The following RAB3GAP1 variants were observed in gnomAD, a reference collection of about 807,000 sequenced individuals.
RAB3GAP1 encodes rab3 GTPase-activating protein catalytic subunit.
A neutral mutation model predicts 130.7 loss-of-function variants in RAB3GAP1; 86 were observed. The observed-to-expected ratio is 0.66, with a 90% CI of 0.55 to 0.79. RAB3GAP1 has a LOEUF of 0.79. Among genes scored for constraint, RAB3GAP1 ranks in the 30% least tolerant of loss-of-function variants. The probability of loss-of-function intolerance (pLI) is 0.00; values close to 1 mark genes in which losing one functional copy is unlikely to be tolerated. For missense variants in RAB3GAP1, 1,029 were observed against 1,169.4 expected, an observed-to-expected ratio of 0.88 and a Z score of 1.75; for synonymous variants, 367 against 401.7, an observed-to-expected ratio of 0.91 and a Z score of 1.03.
At chr2:135,104,888 C>CAAAA (rs1690549139) in intron 5 of RAB3GAP1, among the ~76,000 whole-genome samples, 1 of 151,686 alleles carries the variant, frequency 6.6e-6, no homozygotes, top group African/African-American at 2.4e-5. Flanking sequence ...AACTCCATCT[C>CAAAA]AAAACAAACA....
intron 18 of RAB3GAP1, 26 bp downstream of exon 18, chr2:135,150,532 G>A: frequency 6.2e-7 from 1 of 1,613,186 alleles, no homozygotes. Context: ...AGAGCTCTGG[G>A]GTCTATTTTG....
chr2:135,095,866 G>C (rs531645174), intron 5 of RAB3GAP1, among the ~76,000 whole-genome samples: 17 of 152,256 alleles, frequency 1.1e-4, no homozygotes, highest in Middle Eastern at 3.4e-3. Flanking sequence ...CAAATCACAA[G>C]AAGAAGGGTG....
chr2:135,155,087 C>T (rs1418883787), intron 19 of RAB3GAP1, among the ~76,000 whole-genome samples: 1 of 152,050 alleles, frequency 6.6e-6, no homozygotes, highest in East Asian at 1.9e-4. Context: ...ACATTCCAAA[C>T]TGAATCAGAT....
At chr2:135,061,425 C>T (rs1169082487) in intron 3 of RAB3GAP1, among the ~76,000 whole-genome samples, 1 of 152,178 alleles carries the variant, frequency 6.6e-6, no homozygotes, top group Admixed American at 6.5e-5. Flanking sequence ...TACATTCTCA[C>T]CAACAATCAG....
intron 3 of RAB3GAP1, among the ~76,000 whole-genome samples, chr2:135,086,621 A>G (rs1023859821): frequency 1.9e-5 from 2 of 103,832 alleles, no homozygotes; most frequent in African/African-American, 7.2e-5. Flanking sequence ...TTTTTCAGGT[A>G]TGTATTTTGT....
chr2:135,135,392 A>G, intron 16 of RAB3GAP1, 73 bp downstream of exon 16: 2 of 1,464,150 alleles, frequency 1.4e-6, no homozygotes, highest in South Asian at 1.1e-5. Context: ...AAATGTAATA[A>G]TGGGTTACAT....
intron 3 of RAB3GAP1, among the ~76,000 whole-genome samples, chr2:135,084,981 G>A (rs1486573869): frequency 1.3e-5 from 2 of 152,184 alleles, no homozygotes; most frequent in South Asian, 2.1e-4. Context: ...TATACTGAAA[G>A]AATGAAGTAG....
intron 3 of RAB3GAP1, among the ~76,000 whole-genome samples, chr2:135,070,287 C>T (rs1037916920): frequency 6.6e-6 from 1 of 152,208 alleles, no homozygotes; most frequent in Non-Finnish European, 1.5e-5. Flanking sequence ...TAAAATCCCT[C>T]TGTTATTTTG....
At chr2:135,155,341 A>T (rs1232991379) in intron 19 of RAB3GAP1, among the ~76,000 whole-genome samples, 1 of 152,184 alleles carries the variant, frequency 6.6e-6, no homozygotes, top group Non-Finnish European at 1.5e-5. Context: ...AATGAAAATG[A>T]GATATAGGAG....
rs577470815 is a variant in RAB3GAP1 at position 135,112,797 on chromosome 2, G to A, written c.363-354G>A. On this transcript the variant is annotated intron_variant, in intron 5 of 23. Coordinates refer to ENST00000264158, the MANE Select transcript of RAB3GAP1 (RefSeq NM_012233.3). Reference sequence around the variant, plus strand: ...ACATAAAGTAGGCAAAGCGGAAAAAGTATTTACAACTGTCAAAGTCTCTCT... The same window carrying A: ...ACATAAAGTAGGCAAAGCGGAAAAAATATTTACAACTGTCAAAGTCTCTCT... Among the ~76,000 whole-genome samples, 5 of 150,056 alleles carry A rather than the reference G, an allele frequency of 3.3e-5. No homozygotes were observed. In the South Asian group the frequency reaches 1.1e-3, roughly 32 times the overall value.
chr2:135,132,253 C>T (rs1691568968), intron 13 of RAB3GAP1, among the ~76,000 whole-genome samples: 1 of 152,198 alleles, frequency 6.6e-6, no homozygotes, highest in Admixed American at 6.5e-5. Context: ...GAGCCTCCTT[C>T]TTAAGACTGT....
chr2:135,140,391 A>G (rs1691804257), intron 17 of RAB3GAP1, among the ~76,000 whole-genome samples: 2 of 152,276 alleles, frequency 1.3e-5, no homozygotes, highest in African/African-American at 4.8e-5. Flanking sequence ...ATTCTACAGA[A>G]TCCTCCCCAT....
intron 15 of RAB3GAP1, 97 bp downstream of exon 15, chr2:135,134,130 C>T (rs1000910889): frequency 7.2e-6 from 10 of 1,382,408 alleles, no homozygotes; most frequent in Non-Finnish European, 1.0e-5. Flanking sequence ...GAAGTCTGCC[C>T]TAAGAAAGTG....
intron 18 of RAB3GAP1, 151 bp downstream of exon 18, chr2:135,150,657 C>T: frequency 1.0e-6 from 1 of 1,003,646 alleles, no homozygotes; most frequent in Non-Finnish European, 1.5e-6. Flanking sequence ...CCACCATCCC[C>T]CCAGAGGACA....
chr2:135,088,620 C>T (rs1442339538), intron 3 of RAB3GAP1, among the ~76,000 whole-genome samples: 2 of 138,612 alleles, frequency 1.4e-5, no homozygotes, highest in Non-Finnish European at 3.0e-5. Flanking sequence ...ACTTGGGAGG[C>T]GGAAGTTGCA....
chr2:135,091,201 T>C, intron 4 of RAB3GAP1, 71 bp downstream of exon 4: 1 of 1,406,844 alleles, frequency 7.1e-7, no homozygotes, highest in South Asian at 1.2e-5. Context: ...ATTATTAATT[T>C]AGTGTTCTTC....
At chr2:135,158,144 A>G (rs560967528) in intron 19 of RAB3GAP1, among the ~76,000 whole-genome samples, 5 of 152,204 alleles carry the variant, frequency 3.3e-5, no homozygotes, top group Admixed American at 6.5e-5. Context: ...CTATTTGTGT[A>G]TATGTATATA....
chr2:135,089,878 T>C (rs542051932), intron 3 of RAB3GAP1: 1 of 381,838 alleles, frequency 2.6e-6, no homozygotes, highest in Non-Finnish European at 5.3e-6. Context: ...TAAGTGTGAG[T>C]TGAACAGTGA....
chr2:135,145,944 G>C (rs1052284587), intron 17 of RAB3GAP1, among the ~76,000 whole-genome samples: 2 of 152,094 alleles, frequency 1.3e-5, no homozygotes, highest in Admixed American at 1.3e-4. Context: ...TTTTAATAAA[G>C]TACCAGGTAT....
Sources: allele counts gnomAD v4.1 joint callset (sites outside exome capture counted in the v4.1 genomes callset), GRCh38; gene constraint gnomAD v4.1.1; transcripts MANE v1.5; gene names NCBI Gene and HGNC (gene_info 2026-07-23, HGNC 2026-07-21).